The following TMEM236 variants were observed in gnomAD, a reference collection of about 807,000 sequenced individuals.
TMEM236 encodes the protein transmembrane protein 236, also known as family with sequence similarity 23, member A.
TMEM236 carries 11 observed loss-of-function variants against 14.7 expected under a neutral mutation model. That is an observed-to-expected ratio of 0.75 (90% CI 0.47 to 1.24). TMEM236 has a LOEUF of 1.24. Ranked by LOEUF, TMEM236 falls within the 50% of genes most tolerant of loss-of-function variation. The pLI is 0.00. For synonymous variants in TMEM236, 182 were observed against 168.6 expected, an observed-to-expected ratio of 1.08 and a Z score of -0.62; for missense variants, 464 against 427.3, an observed-to-expected ratio of 1.09 and a Z score of -0.76.
chr10:17,770,052 G>A (rs1044548043), intron 1 of TMEM236, among the ~76,000 whole-genome samples: 2 of 151,990 alleles, frequency 1.3e-5, no homozygotes, highest in Admixed American at 6.6e-5. Context: ...AGTACCCAAC[G>A]TTTAGCTCCC....
intron 3 of TMEM236, among the ~76,000 whole-genome samples, chr10:17,792,333 C>G (rs1286373735): frequency 4.6e-5 from 7 of 152,188 alleles, no homozygotes; most frequent in African/African-American, 7.2e-5. Flanking sequence ...AGCGATCCCC[C>G]TGTTTCAGCC....
chr10:17,774,035 TTG>T (rs1837618810), intron 2 of TMEM236, among the ~76,000 whole-genome samples: 13 of 151,422 alleles, frequency 8.6e-5, no homozygotes, highest in Admixed American at 6.6e-5. Flanking sequence ...ATATTTTTGT[TTG>T]TTTGTTTGTT....
At chr10:17,791,010 T>A (rs1223239075) in intron 3 of TMEM236, among the ~76,000 whole-genome samples, 3 of 152,208 alleles carry the variant, frequency 2.0e-5, no homozygotes, top group Non-Finnish European at 2.9e-5. Context: ...ACCATAAGAC[T>A]CTCTATAATC....
intron 1 of TMEM236, among the ~76,000 whole-genome samples, chr10:17,760,591 A>G (rs1837347837): frequency 6.6e-6 from 1 of 152,216 alleles, no homozygotes. Flanking sequence ...AAAAAGATCA[A>G]TAATTTTGTC....
intron 1 of TMEM236, among the ~76,000 whole-genome samples, chr10:17,764,028 C>A (rs1274336494): frequency 6.6e-6 from 1 of 151,928 alleles, no homozygotes; most frequent in Non-Finnish European, 1.5e-5. Flanking sequence ...ATTGAGTTGT[C>A]GTAAAGAGCT....
At chr10:17,792,206 G>C (rs1419717405) in intron 3 of TMEM236, among the ~76,000 whole-genome samples, 1 of 152,148 alleles carries the variant, frequency 6.6e-6, no homozygotes, top group African/African-American at 2.4e-5. Context: ...TCCTGCCTCA[G>C]CCTCCTGAGT....
chr10:17,758,690 G>A (rs1424231640), intron 1 of TMEM236, among the ~76,000 whole-genome samples: 2 of 152,162 alleles, frequency 1.3e-5, no homozygotes, highest in African/African-American at 4.8e-5. Flanking sequence ...ATGTGATCGT[G>A]TTAAATCTTC....
At chr10:17,772,924 A>T (rs1487752688) in intron 2 of TMEM236, among the ~76,000 whole-genome samples, 1 of 152,128 alleles carries the variant, frequency 6.6e-6, no homozygotes, top group Non-Finnish European at 1.5e-5. Flanking sequence ...AATTTTTCCA[A>T]GGAGAAATCA....
At chr10:17,758,947 C>A (rs2461170) in intron 1 of TMEM236, among the ~76,000 whole-genome samples, 132,001 of 152,220 alleles carry the variant, frequency 0.87, 57,548 homozygotes, top group East Asian at 1. Context: ...CACTAGGCCT[C>A]CATGCCAGTG....
rs1031201266 is a variant in TMEM236, at chr10:17,758,175, A to T, written c.257+5623A>T. ...TAGGGTGTCATGTCTTGATTGCTAC[A>T]TGAAGATGATGCAAAAATAATTGCT... On this transcript the variant is annotated intron_variant, in intron 1 of 3. Coordinates refer to ENST00000377495, the MANE Select transcript of TMEM236 (RefSeq NM_001098844.3). 1.6e-4 allele frequency among the ~76,000 whole-genome samples: 25 copies of T among 152,352 alleles called. 1 individual carries two copies. In the South Asian group the frequency reaches 5.2e-3, roughly 32 times the overall value.
At chr10:17,755,335 A>G (rs1589137307) in intron 1 of TMEM236, among the ~76,000 whole-genome samples, 1 of 152,270 alleles carries the variant, frequency 6.6e-6, no homozygotes, top group East Asian at 1.9e-4. Context: ...AAGGGCAGAA[A>G]TGTAAAAATA....
chr10:17,780,928 T>A (rs1019595051), intron 3 of TMEM236, among the ~76,000 whole-genome samples: 1 of 152,068 alleles, frequency 6.6e-6, no homozygotes, highest in Non-Finnish European at 1.5e-5. Context: ...GCTCAGAGAT[T>A]GGTTGGACTG....
intron 2 of TMEM236, among the ~76,000 whole-genome samples, chr10:17,773,190 G>A (rs1337724435): frequency 3.3e-5 from 5 of 152,190 alleles, no homozygotes; most frequent in African/African-American, 4.8e-5. Context: ...TATGTATGCA[G>A]GAGCAGAACT....
At chr10:17,760,549 C>T (rs1294497690) in intron 1 of TMEM236, among the ~76,000 whole-genome samples, 2 of 152,076 alleles carry the variant, frequency 1.3e-5, no homozygotes, top group Non-Finnish European at 2.9e-5. Flanking sequence ...ATCCACATTT[C>T]CTTTACAGTT....
chr10:17,766,753 A>G (rs1837472465), intron 1 of TMEM236, among the ~76,000 whole-genome samples: 1 of 152,206 alleles, frequency 6.6e-6, no homozygotes, highest in South Asian at 2.1e-4. Flanking sequence ...TTGCCTCAAA[A>G]TTCCAGAGCT....
intron 1 of TMEM236, among the ~76,000 whole-genome samples, chr10:17,766,480 A>G (rs1224170287): frequency 1.3e-5 from 2 of 152,246 alleles, no homozygotes; most frequent in African/African-American, 2.4e-5. Flanking sequence ...CTTTCTCTAT[A>G]TCCCTCCTCT....
At position 17,796,561 on chromosome 10, in the gene TMEM236, C is replaced by T; in HGVS notation, c.*57C>T. On this transcript the variant is annotated 3_prime_UTR_variant, in exon 4 of 4. Transcript: ENST00000377495. ...TGATACCTGTGTGCACATTTGTAAT[C>T]CTTCTTTTTTTCTTGGGGCGTAGGT... 1 of 1,453,002 alleles carries T rather than the reference C, an allele frequency of 6.9e-7. No homozygotes were observed. 90.0% of individuals were successfully genotyped at this position (1,453,002 alleles called of 1,614,324 possible).
intron 3 of TMEM236, among the ~76,000 whole-genome samples, chr10:17,787,633 C>A (rs1837860456): frequency 6.6e-6 from 1 of 152,154 alleles, no homozygotes; most frequent in African/African-American, 2.4e-5. Context: ...TTTTATTCAG[C>A]AAATCTTTAT....
chr10:17,795,720 T>C (rs1451477071), intron 3 of TMEM236, among the ~76,000 whole-genome samples: 1 of 152,178 alleles, frequency 6.6e-6, no homozygotes, highest in Non-Finnish European at 1.5e-5. Flanking sequence ...CACGCCACCA[T>C]GGCACACATT....
Sources: allele counts gnomAD v4.1 joint callset (sites outside exome capture counted in the v4.1 genomes callset), GRCh38; gene constraint gnomAD v4.1.1; transcripts MANE v1.5; gene names NCBI Gene and HGNC (gene_info 2026-07-23, HGNC 2026-07-21).